POT1: variants seen among roughly 807,000 people sequenced by gnomAD.
POT1 encodes protection of telomeres 1.
A neutral mutation model predicts 78.5 loss-of-function variants in POT1; 47 were observed. The observed-to-expected ratio is 0.60, with a 90% CI of 0.47 to 0.76. The LOEUF (loss-of-function observed/expected upper bound fraction) is 0.76. POT1 is among the 30% of genes least tolerant of loss of function. POT1 has a pLI of 0.00. For missense variants in POT1, 646 were observed against 749.9 expected (o/e 0.86, Z 1.62); for synonymous variants, 259 against 260.7 (o/e 0.99, Z 0.06).
chr7:124,883,304 T>C (rs546396575), intron 6 of POT1, among the ~76,000 whole-genome samples: 1 of 151,992 alleles, frequency 6.6e-6, no homozygotes, highest in East Asian at 1.9e-4. Flanking sequence ...AACAGAAAAG[T>C]AGAGTTTTAC....
chr7:124,869,880 TATG>T (rs1190979900), intron 7 of POT1, among the ~76,000 whole-genome samples: 1 of 152,148 alleles, frequency 6.6e-6, no homozygotes, highest in African/African-American at 2.4e-5. Context: ...CATGCCTGGC[TATG>T]ATAATATTTC....
At chr7:124,828,969 C>A in intron 16 of POT1, 1 of 640,708 alleles carries the variant, frequency 1.6e-6, no homozygotes, top group South Asian at 1.4e-5. Flanking sequence ...GCTCTGAATG[C>A]CAAATTCTGA....
At chr7:124,879,037 A>G (rs1322612186) in intron 6 of POT1, among the ~76,000 whole-genome samples, 1 of 152,164 alleles carries the variant, frequency 6.6e-6, no homozygotes, top group Non-Finnish European at 1.5e-5. Flanking sequence ...AAGGAATTAT[A>G]TTTTCCATAG....
intron 6 of POT1, among the ~76,000 whole-genome samples, chr7:124,887,468 T>C (rs555732253): frequency 7.9e-5 from 12 of 152,230 alleles, no homozygotes; most frequent in Admixed American, 5.9e-4. Flanking sequence ...AGAAAAAGAT[T>C]TTCCCACATC....
Position 124,825,259 on chromosome 7 carries a change from T to C in POT1, c.1785A>G (p.Ile595Met), listed in dbSNP as rs1794601418. Residue 595 changes from isoleucine to methionine, a missense_variant, in exon 18 of 19, where the codon ATA becomes ATG. Physicochemically the swap from Ile to Met is conservative, Grantham distance 10. Coordinates refer to ENST00000357628, the MANE Select transcript of POT1 (RefSeq NM_015450.3). ...MIMDMFCPPG[I>M]KIDAYPWLEC... ...TAAAATATTCTTGCCTACCAATTTT[T>C]ATTCCTGGAGGACAAAACATATCCA... 1 of 1,604,786 alleles carries C rather than the reference T, an allele frequency of 6.2e-7. No individual in the cohort carries two copies. Among genetic ancestry groups the C allele is most frequent in the Non-Finnish European group, 8.5e-7 (1 of 1,174,676 alleles).
intron 7 of POT1, among the ~76,000 whole-genome samples, chr7:124,868,408 T>C (rs1795783203): frequency 6.6e-6 from 1 of 152,132 alleles, no homozygotes; most frequent in Admixed American, 6.5e-5. Flanking sequence ...CCCATTAACA[T>C]TGCCTTAAAT....
intron 3 of POT1, among the ~76,000 whole-genome samples, chr7:124,905,469 C>T (rs1372316971): frequency 6.6e-6 from 1 of 151,746 alleles, no homozygotes; most frequent in Non-Finnish European, 1.5e-5. Context: ...ACACCTTATA[C>T]AAAAATTAAT....
chr7:124,846,808 T>A (rs540457269), intron 12 of POT1, 134 bp downstream of exon 12: 1 of 583,428 alleles, frequency 1.7e-6, no homozygotes. Context: ...AGAAGAAAGT[T>A]AAATATGGAC....
intron 2 of POT1, among the ~76,000 whole-genome samples, chr7:124,927,046 C>A (rs1008107263): frequency 6.6e-6 from 1 of 152,046 alleles, no homozygotes; most frequent in African/African-American, 2.4e-5. Flanking sequence ...ATCAACATAG[C>A]AAAACTGCAC....
intron 7 of POT1, among the ~76,000 whole-genome samples, chr7:124,865,042 T>C (rs1795687374): frequency 6.6e-6 from 1 of 152,210 alleles, no homozygotes. Context: ...AAAATGTTTT[T>C]ATTTTACTCT....
At chr7:124,853,743 G>C (rs1418427399) in intron 9 of POT1, among the ~76,000 whole-genome samples, 1 of 152,000 alleles carries the variant, frequency 6.6e-6, no homozygotes, top group Non-Finnish European at 1.5e-5. Context: ...TAACTAATTA[G>C]AGTTTTGAAT....
chr7:124,922,705 GAACTC>G (rs1797181205), intron 2 of POT1, among the ~76,000 whole-genome samples: 1 of 151,762 alleles, frequency 6.6e-6, no homozygotes, highest in African/African-American at 2.4e-5. Flanking sequence ...TAACCCAAAA[GAACTC>G]AGGAAGGAGA....
chr7:124,894,279 T>C (rs1031630639), intron 5 of POT1, among the ~76,000 whole-genome samples: 30 of 151,034 alleles, frequency 2.0e-4, no homozygotes, highest in African/African-American at 6.6e-4. Context: ...AAAAGAATGA[T>C]GGAATAATGG....
intron 2 of POT1, among the ~76,000 whole-genome samples, chr7:124,924,457 G>C (rs1209973363): frequency 6.6e-6 from 1 of 151,718 alleles, no homozygotes; most frequent in Non-Finnish European, 1.5e-5. Context: ...ACAGATCAAT[G>C]ATGACAGCAA....
intron 6 of POT1, among the ~76,000 whole-genome samples, chr7:124,887,560 A>G (rs1796276961): frequency 6.6e-6 from 1 of 152,116 alleles, no homozygotes; most frequent in African/African-American, 2.4e-5. Context: ...GTTTTGTAAT[A>G]TGAAGTCAAT....
chr7:124,904,470 A>G (rs916411575), intron 3 of POT1, among the ~76,000 whole-genome samples: 2 of 152,198 alleles, frequency 1.3e-5, no homozygotes, highest in Non-Finnish European at 2.9e-5. Context: ...AACTCTCAAT[A>G]AACTAGGTAT....
chr7:124,851,524 T>C (rs551632486), intron 11 of POT1, among the ~76,000 whole-genome samples: 8 of 152,320 alleles, frequency 5.3e-5, no homozygotes, highest in Non-Finnish European at 7.4e-5. Flanking sequence ...CAAAAAGTAT[T>C]TGGGTTATGC....
intron 6 of POT1, among the ~76,000 whole-genome samples, chr7:124,879,657 A>T (rs969050139): frequency 6.6e-6 from 1 of 152,166 alleles, no homozygotes; most frequent in Non-Finnish European, 1.5e-5. Flanking sequence ...ATGCAATAGG[A>T]TATTTTTCTG....
intron 18 of POT1, among the ~76,000 whole-genome samples, chr7:124,824,864 A>ATG (rs1269499089): frequency 0.37 from 56,712 of 151,646 alleles, 10,963 homozygotes; most frequent in East Asian, 0.49. Flanking sequence ...ACTAGTTAAC[A>ATG]ATAAATAAAA....
Sources: gnomAD v4.1 joint callset for allele counts (sites outside exome capture counted in the v4.1 genomes callset) on GRCh38, gnomAD v4.1.1 for gene constraint, MANE v1.5 for transcripts, NCBI Gene and HGNC (gene_info 2026-07-23, HGNC 2026-07-21) for gene names.